UNC79: variants seen among roughly 807,000 people sequenced by gnomAD.
The protein encoded by UNC79 is protein unc-79 homolog.
A neutral mutation model predicts 283.1 loss-of-function variants in UNC79; 37 were observed. The ratio of observed to expected loss-of-function variants is 0.13; its 90% CI spans 0.10 to 0.17. The LOEUF is 0.17. Ranked by LOEUF, UNC79 falls within the 10% of genes least tolerant of loss-of-function variation. UNC79 has a pLI of 1.00. For synonymous variants in UNC79, 1,107 were observed against 1,200.2 expected, an observed-to-expected ratio of 0.92 and a Z score of 1.61; for missense variants, 2,272 against 3,211.1, an observed-to-expected ratio of 0.71 and a Z score of 7.07.
chr14:93,650,181 A>T (rs1409891439), intron 35 of UNC79, among the ~76,000 whole-genome samples: 1 of 152,262 alleles, frequency 6.6e-6, no homozygotes, highest in East Asian at 1.9e-4. Flanking sequence ...GCTGAATTGT[A>T]TCCCATAATT....
rs901653689 is a variant in UNC79 at position 93,688,936 on chromosome 14, A to T, written c.7085+96A>T. ...GCTAGAGTTAAGGAGTACACCGAAG[A>T]TTTATGACAGTGGAATATACTTGGT... On this transcript the variant is annotated intron_variant, in intron 44 of 48. Transcript: ENST00000555664. The surrounding 1 kb of genome is among the most constrained non-coding windows in gnomAD (Gnocchi z 4.0). The T allele has an allele frequency of 7.4e-7, 1 of 1,343,016 alleles. No individual in the cohort carries two copies. Among genetic ancestry groups the T allele is most frequent in the African/African-American group, 1.5e-5 (1 of 68,266 alleles). The allele number at this position is 1,343,016 out of a possible 1,614,324, so 83.2% of individuals were successfully genotyped here.
intron 22 of UNC79, among the ~76,000 whole-genome samples, chr14:93,587,594 A>T (rs1412489953): frequency 3.9e-5 from 6 of 152,202 alleles, no homozygotes; most frequent in Non-Finnish European, 8.8e-5. Context: ...CTTACTGTAT[A>T]CATTCTTGTT....
intron 1 of UNC79, among the ~76,000 whole-genome samples, chr14:93,374,136 G>A (rs949883938): frequency 2.0e-5 from 3 of 152,052 alleles, no homozygotes; most frequent in African/African-American, 4.8e-5. Context: ...CTGGGGCTGC[G>A]GCAGAAAGTT....
exon 9 of UNC79, chr14:93,528,587 G>T: frequency 4.3e-6 from 7 of 1,613,874 alleles, no homozygotes; most frequent in Non-Finnish European, 5.9e-6. Context: ...TGTCAGTAGC[G>T]TTGGGTGATA....
At chr14:93,389,554 G>C (rs893292879) in intron 1 of UNC79, among the ~76,000 whole-genome samples, 1 of 152,058 alleles carries the variant, frequency 6.6e-6, no homozygotes, top group African/African-American at 2.4e-5. Context: ...GGAGGTGGAA[G>C]GTGTTAGAAC....
exon 14 of UNC79, chr14:93,542,498 T>A: frequency 6.2e-7 from 1 of 1,614,200 alleles, no homozygotes; most frequent in Non-Finnish European, 8.5e-7. Context: ...AGAACACGCC[T>A]ACAGAAAGCT....
Position 93,621,503 on chromosome 14 carries a change from C to T in UNC79, c.4388-118C>T. 1.6e-6 allele frequency: 2 copies of T among 1,271,068 alleles called. No individual in the cohort carries two copies. The highest frequency in any genetic ancestry group is 2.7e-5 in the East Asian group (1 of 37,494). 78.7% of individuals were successfully genotyped at this position (1,271,068 alleles called of 1,614,324 possible). On this transcript the variant is annotated intron_variant, in intron 29 of 48. Coordinates refer to ENST00000555664, the Ensembl canonical transcript of UNC79. The surrounding 1 kb of genome is among the most constrained non-coding windows in gnomAD (Gnocchi z 4.8). ...AAACTTGGCCAGAAAGTTCGTTTTC[C>T]CTCCTGGTGGAGCTGGGATTGTGAT...
At chr14:93,562,927 T>C (rs935826908) in intron 14 of UNC79, among the ~76,000 whole-genome samples, 3 of 151,542 alleles carry the variant, frequency 2.0e-5, no homozygotes, top group Non-Finnish European at 2.9e-5. Flanking sequence ...AGGGAGGGGG[T>C]CTGAACAATC....
intron 31 of UNC79, chr14:93,634,602 C>G (rs775865327): frequency 6.2e-7 from 1 of 1,614,126 alleles, no homozygotes; most frequent in Non-Finnish European, 8.5e-7. Flanking sequence ...GAGCATCAGT[C>G]TAGCGCCCCC....
chr14:93,618,872 T>C (rs2066922530), intron 29 of UNC79, among the ~76,000 whole-genome samples: 2 of 152,240 alleles, frequency 1.3e-5, no homozygotes, highest in South Asian at 2.1e-4. Context: ...TTATCAACAC[T>C]TTTTCTATTG....
chr14:93,637,375 G>C, intron 32 of UNC79, 76 bp downstream of exon 35: 2 of 1,579,540 alleles, frequency 1.3e-6, no homozygotes, highest in Non-Finnish European at 1.7e-6. Flanking sequence ...TCACCCAGCA[G>C]GTGCAGGCTT....
intron 12 of UNC79, among the ~76,000 whole-genome samples, chr14:93,539,534 A>T (rs1032162764): frequency 6.6e-6 from 1 of 151,910 alleles, no homozygotes; most frequent in Admixed American, 6.6e-5. Context: ...AAAATAAATT[A>T]AAAAAATAAT....
chr14:93,466,660 C>T (rs944474319), intron 1 of UNC79, among the ~76,000 whole-genome samples: 7 of 152,208 alleles, frequency 4.6e-5, no homozygotes, highest in Non-Finnish European at 8.8e-5. Flanking sequence ...GGCCTTGCTT[C>T]TCCAGGACTT....
rs142108599 is a variant in UNC79 at position 93,382,679 on chromosome 14, G to C, written c.-351+49156G>C. ...TGCAGATGCAGATGAAGAAATTGAG[G>C]CTCTGAGAGGTTAAATGACTTGCCC... On this transcript the variant is annotated intron_variant, in intron 1 of 49. Coordinates refer to the UNC79 transcript ENST00000256339. Among the ~76,000 whole-genome samples, 656 of 152,248 alleles carry C rather than the reference G, an allele frequency of 4.3e-3. 2 individuals are homozygous for C. The highest frequency in any genetic ancestry group is 0.015 in the African/African-American group (637 of 41,538).
At chr14:93,650,901 G>T (rs896942469) in intron 35 of UNC79, among the ~76,000 whole-genome samples, 19 of 151,840 alleles carry the variant, frequency 1.3e-4, no homozygotes, top group African/African-American at 4.4e-4. Context: ...TCTTATAAAG[G>T]CTTTATGGTT....
At chr14:93,419,845 C>T (rs1307101112) in intron 1 of UNC79, among the ~76,000 whole-genome samples, 1 of 151,558 alleles carries the variant, frequency 6.6e-6, no homozygotes, top group African/African-American at 2.4e-5. Flanking sequence ...AAGACGATTG[C>T]TTGAGGCCAG....
At chr14:93,470,429 C>T (rs1365426445) in intron 2 of UNC79, among the ~76,000 whole-genome samples, 1 of 152,204 alleles carries the variant, frequency 6.6e-6, no homozygotes, top group African/African-American at 2.4e-5. Context: ...CATATGTCCA[C>T]TTAGCTCATA....
chr14:93,477,463 A>G lies in UNC79; in HGVS notation c.449-95A>G. 2.8e-6 allele frequency: 3 copies of G among 1,069,748 alleles called. No homozygotes were observed. The East Asian group carries it at 8.0e-5, about 29-fold the overall frequency. The allele number at this position is 1,069,748 out of a possible 1,614,324, so 66.3% of individuals were successfully genotyped here. ...AGAGATGGAGCACTAGTTGCTTATA[A>G]CTTAAACCAGTTCATTAAAGCTTAA... On this transcript the variant is annotated intron_variant, in intron 3 of 48. Coordinates refer to ENST00000555664, the Ensembl canonical transcript of UNC79.
At chr14:93,602,228 G>A (rs921101917) in intron 25 of UNC79, among the ~76,000 whole-genome samples, 4 of 152,058 alleles carry the variant, frequency 2.6e-5, no homozygotes, top group African/African-American at 7.2e-5. Context: ...GAATTTTTAC[G>A]GTTTCAGATC....
Sources: gnomAD v4.1 joint callset for allele counts (sites outside exome capture counted in the v4.1 genomes callset) on GRCh38, gnomAD v4.1.1 for gene constraint, Gnocchi (gnomAD v3.1) non-coding constraint, MANE v1.5 for transcripts, NCBI Gene and HGNC (gene_info 2026-07-23, HGNC 2026-07-21) for gene names.